Variants in CPPED1 observed in about 807,000 individuals in gnomAD.
CPPED1 encodes serine/threonine-protein phosphatase CPPED1.
A neutral mutation model predicts 28.0 loss-of-function variants in CPPED1; 28 were observed. That is an observed-to-expected ratio of 1.00 (90% confidence interval 0.74 to 1.37). The LOEUF (loss-of-function observed/expected upper bound fraction) is 1.37, where lower values mean the gene tolerates loss of function less well. Among genes scored for constraint, CPPED1 ranks in the 40% most tolerant of loss-of-function variants. The pLI is 0.00. For missense variants in CPPED1, 504 were observed against 416.5 expected (o/e 1.21, Z -1.83); for synonymous variants, 198 against 180.2 (o/e 1.10, Z -0.79).
intron 2 of CPPED1, among the ~76,000 whole-genome samples, chr16:12,705,725 T>C (rs1304247402): frequency 6.6e-6 from 1 of 152,178 alleles, no homozygotes; most frequent in Non-Finnish European, 1.5e-5. Flanking sequence ...GCCATTGCAC[T>C]CCAGCCTGGG....
rs142330393 is a variant in CPPED1, at chr16:12,789,733, C to T, written c.71-8330G>A. Among the ~76,000 whole-genome samples, 318 of 152,114 alleles carry T rather than the reference C, an allele frequency of 2.1e-3. 9 individuals carry two copies. Among genetic ancestry groups the T allele is most frequent in the Admixed American group, 3.9e-3 (59 of 15,272 alleles). ...GTAGAGACGGGGTTTTACCATGTTG[C>T]CCAGGCTGGTCTAGAACTCCTGAGC... On this transcript the variant is annotated intron_variant, in intron 1 of 3. Transcript: ENST00000381774.
chr16:12,665,668 G>T (rs1288205972), intron 3 of CPPED1, among the ~76,000 whole-genome samples: 1 of 152,116 alleles, frequency 6.6e-6, no homozygotes, highest in Non-Finnish European at 1.5e-5. Flanking sequence ...GGTGGCTCAC[G>T]CCTGTAATCA....
chr16:12,803,650 C>T, intron 1 of CPPED1, 57 bp downstream of exon 1: 1 of 1,363,664 alleles, frequency 7.3e-7, no homozygotes, highest in Non-Finnish European at 9.6e-7. Flanking sequence ...AAAGGTTCCC[C>T]CGGCGGAAGG....
At chr16:12,737,259 C>T (rs1055912471) in intron 2 of CPPED1, among the ~76,000 whole-genome samples, 4 of 151,902 alleles carry the variant, frequency 2.6e-5, no homozygotes, top group Admixed American at 1.3e-4. Context: ...ATTTGAGCAA[C>T]AACTTGAAGG....
intron 3 of CPPED1, among the ~76,000 whole-genome samples, chr16:12,691,510 A>G (rs1352039185): frequency 6.6e-6 from 1 of 152,140 alleles, no homozygotes; most frequent in African/African-American, 2.4e-5. Flanking sequence ...AGACACATGC[A>G]CACATATGTT....
intron 1 of CPPED1, among the ~76,000 whole-genome samples, chr16:12,797,223 T>C (rs1206635318): frequency 6.6e-6 from 1 of 152,148 alleles, no homozygotes; most frequent in Admixed American, 6.5e-5. Context: ...AAAATGCATG[T>C]TATGGTACAT....
At chr16:12,776,275 AAC>A (rs1489772943) in intron 2 of CPPED1, among the ~76,000 whole-genome samples, 2 of 152,214 alleles carry the variant, frequency 1.3e-5, no homozygotes, top group African/African-American at 4.8e-5. Context: ...CCCTAGAAGG[AAC>A]ACACCGCTGC....
chr16:12,714,630 G>A (rs1333662305), intron 2 of CPPED1, among the ~76,000 whole-genome samples: 10 of 151,996 alleles, frequency 6.6e-5, no homozygotes, highest in Non-Finnish European at 1.5e-4. Flanking sequence ...TTTTTCAGTT[G>A]GGTTATTTGT....
intron 2 of CPPED1, among the ~76,000 whole-genome samples, chr16:12,735,515 G>A (rs1303458563): frequency 6.6e-6 from 1 of 152,214 alleles, no homozygotes; most frequent in African/African-American, 2.4e-5. Context: ...ATGTTGGCCA[G>A]GCTGGCCTCA....
At position 12,718,538 on chromosome 16, in the gene CPPED1, TAA is replaced by T. The variant is rs61306353; in HGVS notation, c.290-13491_290-13490del. 6.5e-3 allele frequency among the ~76,000 whole-genome samples: 771 copies of T among 117,762 alleles called. 4 individuals carry two copies. The highest frequency in any genetic ancestry group is 0.041 in the Middle Eastern group (9 of 218). The allele number at this position is 117,762 out of a possible 152,430, so 77.3% of individuals were successfully genotyped here. ...TGGGTGACAGAGCAAGACTCTGTCT[TAA>T]AAAAAAAAAAAAAAAAAGAAAGAAA... is the stretch of plus-strand genomic sequence containing the variant. On this transcript the variant is annotated intron_variant, in intron 2 of 3. Coordinates refer to ENST00000381774, the MANE Select transcript of CPPED1 (RefSeq NM_018340.3).
intron 2 of CPPED1, among the ~76,000 whole-genome samples, chr16:12,725,084 C>G (rs11075147): frequency 0.51 from 77,073 of 151,644 alleles, 20,240 homozygotes; most frequent in Admixed American, 0.61. Flanking sequence ...CTGCGCCTGG[C>G]CAACATGATT....
rs1330865199 is a variant in CPPED1, at chr16:12,735,301, TA to T, written c.290-30253del. 3.3e-5 allele frequency among the ~76,000 whole-genome samples: 5 copies of T among 152,248 alleles called. No individual in the cohort carries two copies. In the East Asian group the frequency reaches 9.7e-4, roughly 29 times the overall value. On this transcript the variant is annotated intron_variant, in intron 2 of 3. Coordinates refer to ENST00000381774, the MANE Select transcript of CPPED1 (RefSeq NM_018340.3). Reference sequence around the variant, plus strand: ...ATGGCCCCTTCCCCAAAAATATATATATTTTTTTTAGATGGAGTCTTGCTCT... The same window carrying T: ...ATGGCCCCTTCCCCAAAAATATATATTTTTTTTTAGATGGAGTCTTGCTCT...
At chr16:12,721,324 A>G (rs2080138813) in intron 2 of CPPED1, among the ~76,000 whole-genome samples, 1 of 152,258 alleles carries the variant, frequency 6.6e-6, no homozygotes, top group African/African-American at 2.4e-5. Flanking sequence ...AAACTGCTGC[A>G]AAGTACCAAG....
chr16:12,797,449 G>A (rs2080634297), intron 1 of CPPED1, among the ~76,000 whole-genome samples: 1 of 152,136 alleles, frequency 6.6e-6, no homozygotes, highest in South Asian at 2.1e-4. Context: ...TCAGGAGGTG[G>A]AGGTGGGAGG....
intron 2 of CPPED1, among the ~76,000 whole-genome samples, chr16:12,770,874 G>GAAAGGAAAGA (rs55884360): frequency 0.24 from 30,421 of 127,388 alleles, 3,836 homozygotes; most frequent in East Asian, 0.34. Flanking sequence ...GAAAGGAAAG[G>GAAAGGAAAGA]AAAGGAAAGG....
Position 12,660,036 on chromosome 16 carries a change from C to T in CPPED1, c.*4850G>A, listed in dbSNP as rs1228125426. ...CAATTACCTCCCACCAGGTCCGTCC[C>T]TTGACACATGGGGATTATGGGGATT... On this transcript the variant is annotated 3_prime_UTR_variant, in exon 4 of 4. Coordinates refer to ENST00000381774, the MANE Select transcript of CPPED1 (RefSeq NM_018340.3). 6.6e-6 allele frequency: 1 copy of T among 152,254 alleles called. No homozygotes were observed. The highest frequency in any genetic ancestry group is 1.5e-5 in the Non-Finnish European group (1 of 68,072). The allele number at this position is 152,254 out of a possible 1,614,324, so 9.4% of individuals were successfully genotyped here. A position where few individuals can be genotyped will look rare whatever the true frequency, so the allele number is the denominator to read the frequency against.
chr16:12,783,773 G>T (rs1041754990), intron 1 of CPPED1, among the ~76,000 whole-genome samples: 5 of 152,094 alleles, frequency 3.3e-5, no homozygotes, highest in Admixed American at 3.3e-4. Context: ...AGAACAAATT[G>T]TACATGTACA....
At chr16:12,729,314 G>C (rs2080185629) in intron 2 of CPPED1, among the ~76,000 whole-genome samples, 1 of 152,102 alleles carries the variant, frequency 6.6e-6, no homozygotes, top group South Asian at 2.1e-4. Flanking sequence ...GGTTAATTTG[G>C]GGACATTACA....
At chr16:12,792,702 T>C (rs952833034) in intron 1 of CPPED1, among the ~76,000 whole-genome samples, 1 of 152,130 alleles carries the variant, frequency 6.6e-6, no homozygotes, top group Non-Finnish European at 1.5e-5. Context: ...GCTGTTCGCA[T>C]GATAGTGAAT....
Sources: allele counts gnomAD v4.1 joint callset (sites outside exome capture counted in the v4.1 genomes callset), GRCh38; gene constraint gnomAD v4.1.1; transcripts MANE v1.5; gene names NCBI Gene and HGNC (gene_info 2026-07-23, HGNC 2026-07-21).